Variants in MYOF observed in about 807,000 individuals in gnomAD.
The protein encoded by MYOF is myoferlin.
In MYOF, 244 loss-of-function variants were observed where a neutral mutation model predicts 284.2. The ratio of observed to expected loss-of-function variants is 0.86; its 90% CI spans 0.77 to 0.95. MYOF has a LOEUF of 0.95. Ranked by LOEUF, MYOF falls within the 40% of genes least tolerant of loss-of-function variation. MYOF has a pLI of 0.00. For synonymous variants in MYOF, 904 were observed against 919.7 expected, an observed-to-expected ratio of 0.98 and a Z score of 0.31; for missense variants, 2,496 against 2,560.6, an observed-to-expected ratio of 0.97 and a Z score of 0.54.
chr10:93,408,588 T>G (rs772748912), intron 7 of MYOF, among the ~76,000 whole-genome samples, 199 bp downstream of exon 7: 1 of 151,932 alleles, frequency 6.6e-6, no homozygotes, highest in Non-Finnish European at 1.5e-5. Flanking sequence ...CCTTTTCCAA[T>G]AGCAGAAGTG....
intron 1 of MYOF, among the ~76,000 whole-genome samples, chr10:93,469,345 G>A (rs1293153972): frequency 6.6e-6 from 1 of 151,394 alleles, no homozygotes; most frequent in Non-Finnish European, 1.5e-5. Context: ...AGGTTGCAGT[G>A]AGCCAAGATC....
At chr10:93,359,793 A>G in intron 29 of MYOF, 40 bp downstream of exon 29, 1 of 1,610,982 alleles carries the variant, frequency 6.2e-7, no homozygotes. Context: ...TCAGGAGGGC[A>G]GAGCTCCCCA....
chr10:93,429,090 A>C (rs190590861), intron 4 of MYOF, among the ~76,000 whole-genome samples: 5 of 152,304 alleles, frequency 3.3e-5, no homozygotes, highest in Admixed American at 3.3e-4. Flanking sequence ...TTTTTGGGTC[A>C]TGGGGGCGGA....
chr10:93,397,247 C>A lies in MYOF; in HGVS notation c.1334G>T (p.Trp445Leu), dbSNP rs1847061706. The A allele has an allele frequency of 1.3e-6, 2 of 1,581,870 alleles. No homozygotes were observed. Among genetic ancestry groups the A allele is most frequent in the Admixed American group, 3.4e-5 (2 of 59,146 alleles). Residue 445 changes from tryptophan (W) to leucine (L), a missense_variant and splice_region_variant, in exon 15 of 54, where the codon TGG becomes TTG. Physicochemically the swap from Trp to Leu is moderately conservative, Grantham distance 61 (BLOSUM62 -2). Around this residue, in one of 3 missense-constraint regions of MYOF, gnomAD observed 2,436 missense variants for 2,480.7 expected, o/e 0.98. Coordinates refer to ENST00000359263, the MANE Select transcript of MYOF (RefSeq NM_013451.4). ...CEKIKLTIYDWDRLTKNDVVG... is the reference protein window; with the variant it reads ...CEKIKLTIYDLDRLTKNDVVG... ...AGACACATACGTATTTTCAACTCACCAGTCATATATTGTTAGTTTTATTTT... is the reference window on the plus strand; with the variant it reads ...AGACACATACGTATTTTCAACTCACAAGTCATATATTGTTAGTTTTATTTT...
At chr10:93,314,192 G>A (rs190378517) in intron 50 of MYOF, among the ~76,000 whole-genome samples, 11 of 152,234 alleles carry the variant, frequency 7.2e-5, no homozygotes, top group Admixed American at 2.0e-4. Context: ...GGGTTCAAGC[G>A]ATTCTCATGC....
At chr10:93,397,071 T>C in intron 15 of MYOF, 176 bp downstream of exon 15, 1 of 521,372 alleles carries the variant, frequency 1.9e-6, no homozygotes, top group East Asian at 3.2e-5. Flanking sequence ...TCGAAGCTTT[T>C]TTTGCAGTAA....
chr10:93,308,987 C>T (rs772342240), intron 53 of MYOF, among the ~76,000 whole-genome samples: 1 of 152,184 alleles, frequency 6.6e-6, no homozygotes, highest in African/African-American at 2.4e-5. Context: ...GCCAGGATTA[C>T]AGGCATGAGC....
At chr10:93,356,088 T>C (rs1162688701) in intron 30 of MYOF, among the ~76,000 whole-genome samples, 7 of 152,136 alleles carry the variant, frequency 4.6e-5, no homozygotes, top group Admixed American at 4.6e-4. Flanking sequence ...AGCAGAATAC[T>C]GTGGGGTCAG....
At chr10:93,384,900 G>T (rs1846291534) in intron 19 of MYOF, among the ~76,000 whole-genome samples, 1 of 152,210 alleles carries the variant, frequency 6.6e-6, no homozygotes, top group South Asian at 2.1e-4. Context: ...ACAAGATCAG[G>T]TACCAATGAA....
Position 93,351,454 on chromosome 10 carries a change from C to T in MYOF, c.3781G>A (p.Gly1261Arg), listed in dbSNP as rs370780451. The T allele has an allele frequency of 4.3e-5, 70 of 1,614,228 alleles. No individual in the cohort carries two copies. In the East Asian group the frequency reaches 4.9e-4, roughly 11 times the overall value. ...HPVMNGDKACGDVLVTAELIL... is the reference protein window; with the variant it reads ...HPVMNGDKACRDVLVTAELIL... The stretch of plus-strand genomic sequence containing the variant: ...AGCTCTGCAGTTACAAGAACATCCC[C>T]GCAGGCTTTGTCTCCATTCATTACT... Residue 1261 changes from glycine (G) to arginine (R), a missense_variant, in exon 34 of 54, where the codon GGG becomes AGG. This residue lies in a region of MYOF where 2,436 missense variants were observed against 2,480.7 expected (regional missense o/e 0.98). Transcript: ENST00000359263.
chr10:93,362,997 A>G (rs1845147123), intron 27 of MYOF, among the ~76,000 whole-genome samples: 1 of 152,024 alleles, frequency 6.6e-6, no homozygotes, highest in African/African-American at 2.4e-5. Context: ...TCACTGTTAC[A>G]TTGCTTATAA....
chr10:93,468,569 C>T lies in MYOF; in HGVS notation c.89-11632G>A, dbSNP rs114048769. Among the ~76,000 whole-genome samples the T allele has an allele frequency of 4.3e-3, 652 of 152,324 alleles. 8 individuals are homozygous for T. Among genetic ancestry groups the T allele is most frequent in the African/African-American group, 0.015 (626 of 41,562 alleles). On this transcript the variant is annotated intron_variant, in intron 1 of 53. Coordinates refer to ENST00000359263, the MANE Select transcript of MYOF (RefSeq NM_013451.4). ...AACAACCTTGAAAACAAATGCAAAG[C>T]GCGGAGTGAAAAATCTTGATAATTA...
chr10:93,452,670 T>A (rs1454802347), intron 2 of MYOF, among the ~76,000 whole-genome samples: 1 of 151,794 alleles, frequency 6.6e-6, no homozygotes, highest in Non-Finnish European at 1.5e-5. Context: ...AAACCTGCAC[T>A]TTGTGCACAT....
intron 48 of MYOF, 48 bp from the exon 49 acceptor site, chr10:93,320,061 A>G: frequency 6.2e-7 from 1 of 1,605,952 alleles, no homozygotes. Context: ...TTGACAAGTC[A>G]TGTAGCCGCA....
intron 25 of MYOF, among the ~76,000 whole-genome samples, chr10:93,369,110 C>CTTTTATTTTTTTTTTTT (rs1845460041): frequency 1.3e-5 from 1 of 78,308 alleles, no homozygotes; most frequent in African/African-American, 6.5e-5. Flanking sequence ...ATTCAGACAG[C>CTTTTATTTTTTTTTTTT]TTTTTTTTTT....
intron 1 of MYOF, among the ~76,000 whole-genome samples, chr10:93,471,883 C>T (rs992114026): frequency 9.3e-6 from 1 of 107,632 alleles, no homozygotes; most frequent in Admixed American, 1.1e-4. Context: ...GAGTGAAACA[C>T]TGTCTCAAAA....
chr10:93,409,741 T>G lies in MYOF; in HGVS notation c.434-2A>C. ...CACCTTCATCTTCTTCCCCATCTCC[T>G]AAAATATCAGAAAGAAACCCAGTGA... On this transcript the variant is annotated splice_acceptor_variant, in intron 5 of 53. Coordinates refer to ENST00000359263, the MANE Select transcript of MYOF (RefSeq NM_013451.4). LOFTEE classifies it high-confidence loss of function. 2.5e-6 allele frequency: 4 copies of G among 1,614,026 alleles called. No homozygotes were observed. Among genetic ancestry groups the G allele is most frequent in the Non-Finnish European group, 3.4e-6 (4 of 1,179,988 alleles).
chr10:93,387,875 T>C lies in MYOF; in HGVS notation c.1620A>G (p.Glu540=), dbSNP rs1846467601. ...GVAYRGRILV[E]LATFLEKTPP... is the part of the protein sequence containing the mutation. ...GTGTCTTCTCAAGAAAAGTGGCTAATTCAACCAAGATCCTGCCTCTGTAGG... is the reference window on the plus strand; with the variant it reads ...GTGTCTTCTCAAGAAAAGTGGCTAACTCAACCAAGATCCTGCCTCTGTAGG... The change falls in exon 19 of 54, where the codon GAA becomes GAG. Residue 540 remains glutamate (E), a synonymous_variant. Transcript: ENST00000359263. The C allele has an allele frequency of 6.2e-7, 1 of 1,614,044 alleles. No homozygotes were observed. The highest frequency in any genetic ancestry group is 1.1e-5 in the South Asian group (1 of 91,092).
At chr10:93,326,079 T>C in intron 45 of MYOF, 114 bp from the exon 46 acceptor site, 3 of 1,314,936 alleles carry the variant, frequency 2.3e-6, no homozygotes, top group South Asian at 1.3e-5. Flanking sequence ...GGACAGGCAG[T>C]GCCAACATGC....
Sources: gnomAD v4.1 joint callset for allele counts (sites outside exome capture counted in the v4.1 genomes callset) on GRCh38, gnomAD v4.1.1 for gene constraint, gnomAD v4.1.1 regional missense constraint, MANE v1.5 for transcripts, NCBI Gene and HGNC (gene_info 2026-07-23, HGNC 2026-07-21) for gene names.